APCDD1L: variants seen among roughly 807,000 people sequenced by gnomAD.
APCDD1L encodes protein APCDD1-like.
APCDD1L carries 21 observed loss-of-function variants against 24.2 expected under a neutral mutation model. The ratio of observed to expected loss-of-function variants is 0.87; its 90% CI spans 0.61 to 1.25. The LOEUF (loss-of-function observed/expected upper bound fraction) is 1.25, where lower values mean the gene tolerates loss of function less well. Among genes scored for constraint, APCDD1L ranks in the 50% most tolerant of loss-of-function variants. The pLI is 0.00. For synonymous variants in APCDD1L, 321 were observed against 323.6 expected (o/e 0.99, Z 0.09); for missense variants, 704 against 711.7 (o/e 0.99, Z 0.12).
At chr20:58,466,737 G>A (rs1989712955) in intron 3 of APCDD1L, among the ~76,000 whole-genome samples, 2 of 152,180 alleles carry the variant, frequency 1.3e-5, no homozygotes, top group Admixed American at 6.5e-5. Flanking sequence ...ACGGTAGAAT[G>A]GGGACTGGAG....
intron 1 of APCDD1L, among the ~76,000 whole-genome samples, chr20:58,514,301 A>C (rs1035610874): frequency 2.0e-5 from 3 of 152,140 alleles, no homozygotes; most frequent in African/African-American, 7.2e-5. Context: ...GTCCCGCACC[A>C]TGGGGGTCTC....
chr20:58,509,383 C>T (rs1027059012), intron 1 of APCDD1L, among the ~76,000 whole-genome samples: 1 of 152,168 alleles, frequency 6.6e-6, no homozygotes, highest in African/African-American at 2.4e-5. Flanking sequence ...TTAGCTTTGC[C>T]TGTCCAAGTT....
intron 1 of APCDD1L, among the ~76,000 whole-genome samples, chr20:58,490,840 T>A (rs1990212347): frequency 6.6e-6 from 1 of 152,180 alleles, no homozygotes; most frequent in Non-Finnish European, 1.5e-5. Flanking sequence ...AAGGACAGTA[T>A]GAGAGAGGAA....
Position 58,470,725 on chromosome 20 carries a change from C to T in APCDD1L, c.72G>A (p.Gly24=). Residue 24 remains glycine, a synonymous_variant, in exon 2 of 4, where the codon GGG becomes GGA. Coordinates refer to ENST00000371149, the MANE Select transcript of APCDD1L (RefSeq NM_153360.3). ...AGCGCAGGCAGCTGCCCCCGGCCTC[C>T]CCAGCCGCCGGTGCAGTGTGGGCTG... ...LLGAHTAPAA[G]EAGGSCLRWE... 1.3e-6 allele frequency: 2 copies of T among 1,540,798 alleles called. No homozygotes were observed. Among genetic ancestry groups the T allele is most frequent in the East Asian group, 2.4e-5 (1 of 41,036 alleles).
chr20:58,468,184 AT>A (rs1031812887), intron 2 of APCDD1L, among the ~76,000 whole-genome samples: 2 of 151,952 alleles, frequency 1.3e-5, no homozygotes, highest in African/African-American at 4.8e-5. Context: ...AGTAATAAAT[AT>A]TTTTGTTTTG....
At chr20:58,511,107 A>C (rs1357785304) in intron 1 of APCDD1L, among the ~76,000 whole-genome samples, 1 of 152,210 alleles carries the variant, frequency 6.6e-6, no homozygotes, top group Non-Finnish European at 1.5e-5. Flanking sequence ...TGTCACAGCT[A>C]TCACCATTCC....
At chr20:58,513,186 C>T (rs1162683604) in intron 1 of APCDD1L, among the ~76,000 whole-genome samples, 1 of 152,170 alleles carries the variant, frequency 6.6e-6, no homozygotes. Context: ...AGCAGATGGA[C>T]ACCCGGTTTC....
intron 1 of APCDD1L, among the ~76,000 whole-genome samples, chr20:58,510,094 TA>T (rs1807821776): frequency 6.6e-6 from 1 of 152,180 alleles, no homozygotes; most frequent in African/African-American, 2.4e-5. Context: ...ATCACCTTTC[TA>T]GGGAGGCCTT....
chr20:58,499,098 T>C (rs1267212219), intron 1 of APCDD1L, among the ~76,000 whole-genome samples: 3 of 152,200 alleles, frequency 2.0e-5, no homozygotes, highest in African/African-American at 7.2e-5. Flanking sequence ...TTGGGGCCAG[T>C]GCGATGGCTC....
chr20:58,487,706 G>A (rs148814958), intron 1 of APCDD1L, among the ~76,000 whole-genome samples: 7 of 152,252 alleles, frequency 4.6e-5, no homozygotes, highest in Non-Finnish European at 7.4e-5. Context: ...CCAATAAAAA[G>A]CACTATTAGG....
intron 1 of APCDD1L, among the ~76,000 whole-genome samples, chr20:58,513,439 A>G (rs1403077755): frequency 2.0e-5 from 3 of 152,028 alleles, no homozygotes; most frequent in African/African-American, 7.2e-5. Flanking sequence ...GTGAATCTGC[A>G]ACTCTTCAAA....
chr20:58,463,773 C>G (rs1214003488), intron 3 of APCDD1L, among the ~76,000 whole-genome samples: 2 of 151,212 alleles, frequency 1.3e-5, no homozygotes, highest in Non-Finnish European at 2.9e-5. Context: ...TATATTTTTT[C>G]TTGCAAAAAT....
At chr20:58,473,814 T>A (rs1043116074) in intron 1 of APCDD1L, among the ~76,000 whole-genome samples, 2 of 152,216 alleles carry the variant, frequency 1.3e-5, no homozygotes, top group African/African-American at 4.8e-5. Flanking sequence ...TACCCACTAA[T>A]TAAAAATTAT....
intron 1 of APCDD1L, among the ~76,000 whole-genome samples, chr20:58,485,186 A>G (rs1387196243): frequency 6.6e-6 from 1 of 152,094 alleles, no homozygotes; most frequent in African/African-American, 2.4e-5. Context: ...AAACAACAAT[A>G]CATTGGACAT....
intron 1 of APCDD1L, among the ~76,000 whole-genome samples, chr20:58,478,762 A>G (rs1989964758): frequency 6.6e-6 from 1 of 151,994 alleles, no homozygotes; most frequent in South Asian, 2.1e-4. Context: ...GGCTTGAAGC[A>G]GGAGAGGAGA....
chr20:58,494,658 A>G lies in APCDD1L; in HGVS notation c.49+20001T>C, dbSNP rs1990286925. On this transcript the variant is annotated intron_variant, in intron 1 of 3. Transcript: ENST00000371149. The surrounding 1 kb of genome is among the most constrained non-coding windows in gnomAD (Gnocchi z 4.8). ...CTGGCTGTCAACTGTGTTTCAAAGT[A>G]TACATATACTTTGTAGTCCTCAAAT... 6.6e-6 allele frequency among the ~76,000 whole-genome samples: 1 copy of G among 152,166 alleles called. No individual in the cohort carries two copies. The highest frequency in any genetic ancestry group is 1.5e-5 in the Non-Finnish European group (1 of 68,038).
At chr20:58,493,018 T>A (rs6070484) in intron 1 of APCDD1L, among the ~76,000 whole-genome samples, 3,758 of 60,510 alleles carry the variant, frequency 0.062, 57 homozygotes, top group Middle Eastern at 0.1. Flanking sequence ...ACACGTGCAC[T>A]CACACACAAG....
At chr20:58,479,064 G>A (rs1989973091) in intron 1 of APCDD1L, among the ~76,000 whole-genome samples, 1 of 152,068 alleles carries the variant, frequency 6.6e-6, no homozygotes, top group Middle Eastern at 3.2e-3. Flanking sequence ...CACCCCCAAG[G>A]AAGCCTCCAC....
intron 3 of APCDD1L, among the ~76,000 whole-genome samples, chr20:58,465,299 T>C (rs895823503): frequency 1.3e-5 from 2 of 152,054 alleles, no homozygotes; most frequent in African/African-American, 4.8e-5. Flanking sequence ...CGTGTCGTGC[T>C]CCTCCTCTGC....
Sources: allele counts gnomAD v4.1 joint callset (sites outside exome capture counted in the v4.1 genomes callset), GRCh38; gene constraint gnomAD v4.1.1; non-coding constraint Gnocchi (gnomAD v3.1); transcripts MANE v1.5; gene names NCBI Gene and HGNC (gene_info 2026-07-23, HGNC 2026-07-21).